CPED1: variants seen among roughly 807,000 people sequenced by gnomAD.
CPED1 encodes the protein cadherin like and PC-esterase domain containing 1.
Under a neutral mutation model 128.2 loss-of-function variants are expected in CPED1, and 114 were observed. The ratio of observed to expected loss-of-function variants is 0.89; its 90% CI spans 0.76 to 1.04. The LOEUF is 1.04. Ranked by LOEUF, CPED1 falls within the 50% of genes least tolerant of loss-of-function variation. The pLI, the probability that CPED1 is intolerant of heterozygous loss-of-function variation, is 0.00. For missense variants in CPED1, 1,211 were observed against 1,207.1 expected (o/e 1.00, Z -0.05); for synonymous variants, 462 against 426.7 (o/e 1.08, Z -1.02).
intron 16 of CPED1, among the ~76,000 whole-genome samples, chr7:121,169,326 A>G (rs1027803832): frequency 1.3e-5 from 2 of 152,160 alleles, no homozygotes; most frequent in African/African-American, 2.4e-5. Flanking sequence ...AATTAGGAAA[A>G]AGCAACTTTA....
At chr7:121,213,358 C>G (rs983766513) in intron 16 of CPED1, among the ~76,000 whole-genome samples, 1 of 152,026 alleles carries the variant, frequency 6.6e-6, no homozygotes, top group South Asian at 2.1e-4. Context: ...CTACCTCAAA[C>G]AGCTGCAAAG....
At chr7:121,117,255 C>G (rs1795273913) in intron 7 of CPED1, among the ~76,000 whole-genome samples, 1 of 151,216 alleles carries the variant, frequency 6.6e-6, no homozygotes, top group Admixed American at 6.6e-5. Flanking sequence ...TGAGTACCAC[C>G]ATGCCGGGCT....
chr7:121,239,241 AT>A (rs1798330113), intron 17 of CPED1, among the ~76,000 whole-genome samples: 1 of 152,012 alleles, frequency 6.6e-6, no homozygotes, highest in Non-Finnish European at 1.5e-5. Flanking sequence ...CATTACAGCT[AT>A]TTGGCAAAAC....
intron 16 of CPED1, among the ~76,000 whole-genome samples, chr7:121,221,289 G>A (rs1345973985): frequency 6.6e-6 from 1 of 152,120 alleles, no homozygotes; most frequent in African/African-American, 2.4e-5. Context: ...CAAAGGACAT[G>A]AACTAAACCT....
chr7:121,255,280 A>T (rs1283856830), intron 18 of CPED1, among the ~76,000 whole-genome samples: 2 of 152,132 alleles, frequency 1.3e-5, no homozygotes, highest in East Asian at 3.9e-4. Context: ...AATGTGATTC[A>T]CCACATAAAA....
chr7:121,106,684 C>T (rs1025499942), intron 7 of CPED1, among the ~76,000 whole-genome samples: 1 of 152,002 alleles, frequency 6.6e-6, no homozygotes. Flanking sequence ...TCCCTGGAGC[C>T]ATCAAGGGAA....
chr7:121,039,497 T>G (rs1220251784), intron 3 of CPED1, among the ~76,000 whole-genome samples: 1 of 152,078 alleles, frequency 6.6e-6, no homozygotes, highest in Non-Finnish European at 1.5e-5. Context: ...CATTTTGCAC[T>G]GGGAGTTTTC....
intron 2 of CPED1, chr7:120,993,881 C>A: frequency 4.3e-6 from 1 of 234,292 alleles, no homozygotes; most frequent in Non-Finnish European, 9.1e-6. Context: ...TGATTGGAGT[C>A]CCTCTCATGG....
chr7:121,064,457 C>T (rs934908582), intron 5 of CPED1, 144 bp downstream of exon 5: 28 of 598,872 alleles, frequency 4.7e-5, no homozygotes, highest in South Asian at 1.7e-4. Context: ...CAGTTCACAA[C>T]GCTTTGCCAA....
chr7:121,295,827 A>G lies in CPED1; in HGVS notation c.*175A>G, dbSNP rs1792814352. 2 of 540,136 alleles carry G rather than the reference A, an allele frequency of 3.7e-6. No homozygotes were observed. Among genetic ancestry groups the G allele is most frequent in the African/African-American group, 1.9e-5 (1 of 52,764 alleles). The allele number at this position is 540,136 out of a possible 1,614,324, so 33.5% of individuals were successfully genotyped here. ...CAGTTAAATAATGATAACACTTCTT[A>G]CAGCTTTATGAATTCAAGATGTGAC... On this transcript the variant is annotated 3_prime_UTR_variant, in exon 23 of 23. Coordinates refer to ENST00000310396, the MANE Select transcript of CPED1 (RefSeq NM_024913.5).
At chr7:121,257,123 A>C (rs939373934) in intron 18 of CPED1, among the ~76,000 whole-genome samples, 1 of 152,094 alleles carries the variant, frequency 6.6e-6, no homozygotes, top group Non-Finnish European at 1.5e-5. Flanking sequence ...TACTGTGCTC[A>C]CTATCTGCAT....
intron 18 of CPED1, 125 bp from the exon 19 acceptor site, chr7:121,266,102 T>C (rs974957396): frequency 1.3e-5 from 9 of 692,228 alleles, no homozygotes; most frequent in Non-Finnish European, 2.2e-5. Flanking sequence ...TTTCTAACAA[T>C]TTGAAGGGCT....
At chr7:121,054,339 CAG>C (rs1282273693) in intron 4 of CPED1, among the ~76,000 whole-genome samples, 2 of 152,184 alleles carry the variant, frequency 1.3e-5, no homozygotes, top group Non-Finnish European at 2.9e-5. Flanking sequence ...ACTTCTTTCT[CAG>C]ACAGTGAGAA....
intron 16 of CPED1, among the ~76,000 whole-genome samples, chr7:121,187,654 AGG>A (rs1264467491): frequency 2.6e-5 from 4 of 152,164 alleles, no homozygotes; most frequent in Non-Finnish European, 4.4e-5. Flanking sequence ...TAAACACTCT[AGG>A]TCTTTCAAAC....
intron 16 of CPED1, among the ~76,000 whole-genome samples, chr7:121,163,864 C>T (rs998898522): frequency 2.4e-4 from 36 of 152,128 alleles, no homozygotes; most frequent in Admixed American, 2.2e-3. Context: ...TCTCAATGGG[C>T]AACAGGTTTG....
intron 5 of CPED1, among the ~76,000 whole-genome samples, chr7:121,068,887 G>A (rs1026740603): frequency 2.0e-5 from 3 of 152,002 alleles, no homozygotes; most frequent in Non-Finnish European, 4.4e-5. Flanking sequence ...ATTGTGAATG[G>A]GAGTTCACTC....
At chr7:121,193,455 G>T (rs1421082613) in intron 16 of CPED1, among the ~76,000 whole-genome samples, 1 of 152,046 alleles carries the variant, frequency 6.6e-6, no homozygotes, top group Non-Finnish European at 1.5e-5. Context: ...TTTCTTTTGT[G>T]TCAAAGTTCC....
intron 7 of CPED1, among the ~76,000 whole-genome samples, chr7:121,115,456 A>G (rs914727920): frequency 6.6e-6 from 1 of 152,136 alleles, no homozygotes; most frequent in Non-Finnish European, 1.5e-5. Flanking sequence ...GATTTTTTTT[A>G]TAATGAATAC....
rs944009492 is a variant in CPED1, at chr7:121,055,897, C to A, written c.541-8341C>A. ...AAATCAAAAATAGAAACAAAAAAATCAAAATTTTGAATGTGTTTTATCTAA... is the reference window on the plus strand; with the variant it reads ...AAATCAAAAATAGAAACAAAAAAATAAAAATTTTGAATGTGTTTTATCTAA... On this transcript the variant is annotated intron_variant, in intron 4 of 22. Coordinates refer to ENST00000310396, the MANE Select transcript of CPED1 (RefSeq NM_024913.5). Among the ~76,000 whole-genome samples, 12 of 151,902 alleles carry A rather than the reference C, an allele frequency of 7.9e-5. No individual in the cohort carries two copies. The East Asian group carries it at 2.3e-3, about 29-fold the overall frequency.
Sources: allele counts gnomAD v4.1 joint callset (sites outside exome capture counted in the v4.1 genomes callset), GRCh38; gene constraint gnomAD v4.1.1; transcripts MANE v1.5; gene names NCBI Gene and HGNC (gene_info 2026-07-23, HGNC 2026-07-21).